PLEC: variants seen among roughly 807,000 people sequenced by gnomAD.
The protein encoded by PLEC is hemidesmosomal protein 1.
In PLEC, 216 loss-of-function variants were observed where a neutral mutation model predicts 392.8. The ratio of observed to expected loss-of-function variants is 0.55; its 90% CI spans 0.49 to 0.62. The LOEUF (loss-of-function observed/expected upper bound fraction) is 0.62, where lower values mean the gene tolerates loss of function less well. PLEC is among the 20% of genes least tolerant of loss of function. The probability of loss-of-function intolerance (pLI) is 0.00; values close to 1 mark genes in which losing one functional copy is unlikely to be tolerated. For missense variants in PLEC, 6,863 were observed against 6,563.4 expected, an observed-to-expected ratio of 1.05 and a Z score of -1.58; for synonymous variants, 3,621 against 2,980.6, an observed-to-expected ratio of 1.21 and a Z score of -7.00.
At chr8:143,961,445 C>CGTACTCCT (rs1163979172) in intron 1 of PLEC, among the ~76,000 whole-genome samples, 1 of 152,122 alleles carries the variant, frequency 6.6e-6, no homozygotes, top group Non-Finnish European at 1.5e-5. Flanking sequence ...AGGCTGGTCT[C>CGTACTCCT]GTACTCCTGA....
upstream of PLEC, chr8:143,975,264 T>C: frequency 1.2e-6 from 2 of 1,609,094 alleles, no homozygotes; most frequent in Non-Finnish European, 1.7e-6. The surrounding 1 kb of genome is among the most constrained non-coding windows in gnomAD (Gnocchi z 9.9). Context: ...CTCCGCTGCG[T>C]TTTCCCAAGG....
chr8:143,927,066 G>C lies in PLEC; in HGVS notation c.3856C>G (p.Leu1286Val). The C allele has an allele frequency of 6.2e-7, 1 of 1,611,178 alleles. No homozygotes were observed. Among genetic ancestry groups the C allele is most frequent in the South Asian group, 1.1e-5 (1 of 91,084 alleles). ...TCAAGCTGCGCCTTGTACGTCACCA[G>C]CTGGAGTTCATAGTCCTGTGGCAAT... ...INAIKDYELQ[L>V]VTYKAQLEPV... The change falls in exon 29 of 32, where the codon CTG becomes GTG. Residue 1286 changes from leucine to valine, a missense_variant. Physicochemically the swap from Leu to Val is conservative, Grantham distance 32 (BLOSUM62 1). Transcript: ENST00000345136.
intron 3 of PLEC, chr8:143,937,677 C>A (rs1829418970): frequency 8.2e-6 from 4 of 489,882 alleles, no homozygotes; most frequent in Admixed American, 6.9e-5. Flanking sequence ...GGGCCACCAG[C>A]CCCCAGAAAG....
At position 143,921,647 on chromosome 8, in the gene PLEC, G is replaced by A. The variant is rs371900885; in HGVS notation, c.8174C>T (p.Thr2725Met). ...ALQRQLLSPGTALILLEAQAA... is the reference protein window; with the variant it reads ...ALQRQLLSPGMALILLEAQAA... ...CTGCGCCTCCAGCAGGATGAGGGCC[G>A]TGCCGGGACTCAGCAGCTGCCTCTG... The change falls in exon 32 of 32, where the codon ACG becomes ATG. Residue 2725 changes from threonine to methionine, a missense_variant. Physicochemically the swap from Thr to Met is moderately conservative, Grantham distance 81. Coordinates refer to ENST00000345136, the MANE Select transcript of PLEC (RefSeq NM_201384.3). 2.4e-5 allele frequency: 38 copies of A among 1,613,042 alleles called. No homozygotes were observed. The highest frequency in any genetic ancestry group is 6.7e-5 in the Admixed American group (4 of 60,016).
At position 143,919,208 on chromosome 8, in the gene PLEC, A is replaced by G. The variant is rs1821650198; in HGVS notation, c.10613T>C (p.Leu3538Ser). 6.2e-7 allele frequency: 1 copy of G among 1,613,368 alleles called. No individual in the cohort carries two copies. Among genetic ancestry groups the G allele is most frequent in the Non-Finnish European group, 8.5e-7 (1 of 1,179,934 alleles). The change falls in exon 32 of 32, where the codon TTG (leucine) becomes TCG (serine). Residue 3538 changes from leucine (L) to serine (S), a missense_variant. Physicochemically the swap from Leu to Ser is moderately radical, Grantham distance 145 (BLOSUM62 -2). Transcript: ENST00000345136. ...CGCCCCTTTCAGTGGCAGAAGGCGC[A>G]AGCCCGTCTCGGGGTCCTCCACGCA... ...ERCVEDPETG[L>S]RLLPLKGAEK...
chr8:143,924,630 G>A lies in PLEC; in HGVS notation c.5299C>T (p.Leu1767=), dbSNP rs1554698431. ...LAKVRAEMEV[L]LASKARAEEE... is the part of the protein sequence containing the mutation. ...TCAGCCCTCGCCTTGCTGGCCAGCA[G>A]CACCTCCATCTCGGCCCGCACCTTG... Residue 1767 remains leucine (L), a synonymous_variant, in exon 31 of 32, where the codon CTG becomes TTG. Coordinates refer to ENST00000345136, the MANE Select transcript of PLEC (RefSeq NM_201384.3). 1.3e-6 allele frequency: 2 copies of A among 1,539,284 alleles called. No homozygotes were observed. The highest frequency in any genetic ancestry group is 1.7e-6 in the Non-Finnish European group (2 of 1,148,812).
At position 143,925,120 on chromosome 8, in the gene PLEC, C is replaced by T. The variant is rs1470330621; in HGVS notation, c.4809G>A (p.Val1603=). Residue 1603 remains valine (V), a synonymous_variant, in exon 31 of 32, where the codon GTG becomes GTA. Transcript: ENST00000345136. ...ERSLQEEHVA[V]AQLREEAERR... is the part of the protein sequence containing the mutation. The stretch of plus-strand genomic sequence containing the variant: ...GCTCAGCCTCCTCCCGCAGCTGTGC[C>T]ACAGCCACGTGTTCCTCCTGCAGGG... 2.0e-5 allele frequency: 31 copies of T among 1,557,740 alleles called. No homozygotes were observed. Among genetic ancestry groups the T allele is most frequent in the Non-Finnish European group, 2.7e-5 (31 of 1,159,786 alleles).
chr8:143,925,885 C>T lies in PLEC; in HGVS notation c.4045-1G>A. ...CTGCCCGCTGCTGCTCAGCCAGCCT[C>T]TGTGGCCACAGCAGAGAGAAGAAGA... On this transcript the variant is annotated splice_acceptor_variant, in intron 30 of 31. Transcript: ENST00000345136. LOFTEE classifies it high-confidence loss of function. 6.5e-7 allele frequency: 1 copy of T among 1,543,386 alleles called. No individual in the cohort carries two copies. The highest frequency in any genetic ancestry group is 8.7e-7 in the Non-Finnish European group (1 of 1,150,628).
Position 143,924,098 on chromosome 8 carries a change from A to T in PLEC, c.5831T>A (p.Leu1944Gln), listed in dbSNP as rs1564032909. 1 of 1,598,110 alleles carries T rather than the reference A, an allele frequency of 6.3e-7. No homozygotes were observed. Residue 1944 changes from leucine to glutamine, a missense_variant, in exon 31 of 32, where the codon CTG (leucine) becomes CAG (glutamine). Physicochemically the swap from Leu to Gln is moderately radical, Grantham distance 113. Transcript: ENST00000345136. Reference protein sequence around the residue: ...FEKAAAGKAELELELGRIRSN... With the variant: ...FEKAAAGKAEQELELGRIRSN... ...GCGGATGCGTCCCAGCTCCAGCTCC[A>T]GCTCCGCCTTGCCAGCGGCCGCCTT...
chr8:143,927,431 C>G lies in PLEC; in HGVS notation c.3735G>C (p.Arg1245=). The part of the protein sequence containing the change: ...AMPLADSQAV[R]EQLRQEQALL... ...CCACCTGCTCCTGCCGCAGCTGCTC[C>G]CGCACAGCCTGGCTGTCGGCCAGCG... The change falls in exon 27 of 32, where the codon CGG becomes CGC. Residue 1245 remains arginine, a synonymous_variant. Coordinates refer to ENST00000345136, the MANE Select transcript of PLEC (RefSeq NM_201384.3). The G allele has an allele frequency of 6.2e-7, 1 of 1,601,564 alleles. No homozygotes were observed. The highest frequency in any genetic ancestry group is 1.1e-5 in the South Asian group (1 of 90,958).
rs544417199 is a variant in PLEC at position 143,964,713 on chromosome 8, A to G, written c.70+8690T>C. On this transcript the variant is annotated intron_variant, in intron 1 of 31. Transcript: ENST00000356346. Reference sequence around the variant, plus strand: ...TCTCTGGGGGTATCTGTATTCTGTAAACAACCATGCATTCTTGTGGCAGTC... The same window carrying G: ...TCTCTGGGGGTATCTGTATTCTGTAGACAACCATGCATTCTTGTGGCAGTC... 7.9e-5 allele frequency among the ~76,000 whole-genome samples: 12 copies of G among 152,216 alleles called. 1 individual carries two copies. The South Asian group carries it at 2.5e-3, about 32-fold the overall frequency.
At chr8:143,928,569 T>C (rs1422511168) in intron 25 of PLEC, among the ~76,000 whole-genome samples, 1 of 89,302 alleles carries the variant, frequency 1.1e-5, no homozygotes, top group Non-Finnish European at 2.1e-5. Context: ...ATCACTGTGC[T>C]GGTTCTGTGA....
chr8:143,951,869 C>G (rs1206210100), upstream of PLEC, among the ~76,000 whole-genome samples: 2 of 152,050 alleles, frequency 1.3e-5, no homozygotes, highest in African/African-American at 4.8e-5. Context: ...TCATCCACCC[C>G]CCCCTCCCCG....
chr8:143,952,212 GCGCACACACGCA>G (rs1422965405), upstream of PLEC, among the ~76,000 whole-genome samples: 4 of 137,202 alleles, frequency 2.9e-5, no homozygotes, highest in East Asian at 8.0e-4. Flanking sequence ...ACACACACGC[GCGCACACACGCA>G]CGCGCACGCG....
chr8:143,935,313 C>G lies in PLEC; in HGVS notation c.603G>C (p.Lys201Asn). The change falls in exon 7 of 32, where the codon AAG (lysine) becomes AAC (asparagine). Residue 201 changes from lysine (K) to asparagine (N), a missense_variant and splice_region_variant. Lys to Asn is a moderately conservative substitution (Grantham distance 94). Transcript: ENST00000345136. ...CCTTGTTCATGTCGATGAGCAGGGGCCTGGGACAAGCAGGTGGCTGGTCAG... is the reference window on the plus strand; with the variant it reads ...CCTTGTTCATGTCGATGAGCAGGGGGCTGGGACAAGCAGGTGGCTGGTCAG... ...RLFNAIIHRH[K>N]PLLIDMNKVY... 6.2e-7 allele frequency: 1 copy of G among 1,600,314 alleles called. No homozygotes were observed. The highest frequency in any genetic ancestry group is 8.5e-7 in the Non-Finnish European group (1 of 1,178,376).
Position 143,931,961 on chromosome 8 carries a change from C to T in PLEC, c.2154G>A (p.Leu718=), listed in dbSNP as rs1554715970. The T allele has an allele frequency of 6.2e-7, 1 of 1,607,406 alleles. No individual in the cohort carries two copies. ...CCTGAAAGTAGGCAGCGTTCTCCTT[C>T]AGGTGTGCCTCGATACAGCAGCACA... The part of the protein sequence containing the change: ...LQLCCCIEAH[L]KENAAYFQFF... The change falls in exon 18 of 32, where the codon CTG becomes CTA. Residue 718 remains leucine (L), a synonymous_variant. Coordinates refer to ENST00000345136, the MANE Select transcript of PLEC (RefSeq NM_201384.3).
rs781982529 is a variant in PLEC at position 143,930,413 on chromosome 8, G to A, written c.2428C>T (p.Leu810=). 47 of 1,571,948 alleles carry A rather than the reference G, an allele frequency of 3.0e-5. 1 individual carries two copies. The South Asian group carries it at 4.8e-4, about 16-fold the overall frequency. The part of the protein sequence containing the change: ...AHPMRGRLPL[L]AVCDYKQVEV... ...ACCTGCTTATAGTCGCACACGGCCA[G>A]CAGGGGCAGGCGGCCCCGCATGGGG... Residue 810 remains leucine, a synonymous_variant, in exon 20 of 32, where the codon CTG becomes TTG. Transcript: ENST00000345136.
At position 143,924,582 on chromosome 8, in the gene PLEC, C is replaced by T. The variant is rs782042846; in HGVS notation, c.5347G>A (p.Glu1783Lys). Residue 1783 changes from glutamate to lysine, a missense_variant, in exon 31 of 32, where the codon GAG (glutamate) becomes AAG (lysine). Coordinates refer to ENST00000345136, the MANE Select transcript of PLEC (RefSeq NM_201384.3). ...RAEEESRSTS[E>K]KSKQRLEAEA... ...GCCTCCAGCCTCTGCTTGGACTTCTCGCTGGTGGAGCGCGACTCCTCCTCA... is the reference window on the plus strand; with the variant it reads ...GCCTCCAGCCTCTGCTTGGACTTCTTGCTGGTGGAGCGCGACTCCTCCTCA... 86 of 1,552,026 alleles carry T rather than the reference C, an allele frequency of 5.5e-5. No homozygotes were observed. In the South Asian group the frequency reaches 5.7e-4, roughly 10 times the overall value.
chr8:143,919,772 A>G lies in PLEC; in HGVS notation c.10049T>C (p.Leu3350Pro), dbSNP rs186417404. The G allele has an allele frequency of 5.6e-5, 91 of 1,611,540 alleles. No homozygotes were observed. The South Asian group carries it at 7.9e-4, about 14-fold the overall frequency. The change falls in exon 32 of 32, where the codon CTG becomes CCG. Residue 3350 changes from leucine to proline, a missense_variant. Coordinates refer to ENST00000345136, the MANE Select transcript of PLEC (RefSeq NM_201384.3). ...DLSELGSVRT[L>P]LQGSGCLAGI... ...GGCGAGGCAGCCACTGCCCTGCAGCAGCGTCCGCACGGAGCCCAGCTCCGA... is the reference window on the plus strand; with the variant it reads ...GGCGAGGCAGCCACTGCCCTGCAGCGGCGTCCGCACGGAGCCCAGCTCCGA...
Sources: gnomAD v4.1 joint callset for allele counts (sites outside exome capture counted in the v4.1 genomes callset) on GRCh38, gnomAD v4.1.1 for gene constraint, Gnocchi (gnomAD v3.1) non-coding constraint, MANE v1.5 for transcripts, NCBI Gene and HGNC (gene_info 2026-07-23, HGNC 2026-07-21) for gene names.